DPYD: variants seen among roughly 807,000 people sequenced by gnomAD.
DPYD encodes dihydropyrimidine dehydrogenase [NADP(+)].
In DPYD, 109 loss-of-function variants were observed where a neutral mutation model predicts 116.2. That is an observed-to-expected ratio of 0.94 (90% confidence interval 0.80 to 1.10). DPYD has a LOEUF of 1.10. Ranked by LOEUF, DPYD falls within the 50% of genes least tolerant of loss-of-function variation. The pLI is 0.00. For synonymous variants in DPYD, 440 were observed against 432.0 expected (o/e 1.02, Z -0.23); for missense variants, 1,302 against 1,254.5 (o/e 1.04, Z -0.57).
At chr1:97,545,932 C>T in intron 12 of DPYD, 1 of 1,109,778 alleles carries the variant, frequency 9.0e-7, no homozygotes, top group Non-Finnish European at 1.4e-6. Context: ...TTTAAAGAAT[C>T]AGATTGTCAT....
intron 6 of DPYD, among the ~76,000 whole-genome samples, chr1:97,693,145 G>T (rs1219922982): frequency 1.3e-5 from 2 of 151,640 alleles, no homozygotes; most frequent in African/African-American, 4.8e-5. Context: ...AAAAAAATTA[G>T]CCAGGCATAG....
chr1:97,483,632 CA>C (rs1678446255), intron 13 of DPYD, among the ~76,000 whole-genome samples: 1 of 151,938 alleles, frequency 6.6e-6, no homozygotes, highest in Non-Finnish European at 1.5e-5. Context: ...ACATCCTGCA[CA>C]TATATTCTGG....
chr1:97,301,273 GA>G lies in DPYD; in HGVS notation c.2299+3985del, dbSNP rs539281599. On this transcript the variant is annotated intron_variant, in intron 18 of 22. Coordinates refer to ENST00000370192, the MANE Select transcript of DPYD (RefSeq NM_000110.4). ...ATAATAAAGTTTATGTCTTAATACT[GA>G]AAAAAATGTGTTCTATTGTTGTAAT... is the stretch of plus-strand genomic sequence containing the variant. 6.6e-5 allele frequency among the ~76,000 whole-genome samples: 10 copies of G among 151,978 alleles called. No homozygotes were observed. In the East Asian group the frequency reaches 9.7e-4, roughly 15 times the overall value.
intron 3 of DPYD, among the ~76,000 whole-genome samples, chr1:97,782,262 C>T (rs1049384964): frequency 2.0e-5 from 3 of 152,196 alleles, no homozygotes; most frequent in Non-Finnish European, 4.4e-5. Flanking sequence ...ACATAAATCA[C>T]GGCGCAGAGC....
In DPYD at chr1:97,077,787, C is replaced by T. The variant is rs570164196; in HGVS notation, c.*1189G>A. On this transcript the variant is annotated 3_prime_UTR_variant, in exon 23 of 23. Transcript: ENST00000370192. ...TTTTATTTGATATTATTCAGTAATA[C>T]AGGTTTTGTGGCAAATATGCATTTC... The T allele has an allele frequency of 9.1e-4, 138 of 152,224 alleles. 1 individual carries two copies. In the Middle Eastern group the frequency reaches 0.017, roughly 19 times the overall value. The allele number at this position is 152,224 out of a possible 1,614,324, so 9.4% of individuals were successfully genotyped here. A position where few individuals can be genotyped will look rare whatever the true frequency, so the allele number is the denominator to read the frequency against.
chr1:97,577,995 G>A lies in DPYD; in HGVS notation c.1129-4025C>T, dbSNP rs531297334. On this transcript the variant is annotated intron_variant, in intron 10 of 22. Coordinates refer to ENST00000370192, the MANE Select transcript of DPYD (RefSeq NM_000110.4). Reference sequence around the variant, plus strand: ...CAAGTAGCTGAAATTACAGGCACCCGCCACCATGCCTGGCTAATTTTTGTA... The same window carrying A: ...CAAGTAGCTGAAATTACAGGCACCCACCACCATGCCTGGCTAATTTTTGTA... Among the ~76,000 whole-genome samples, 12 of 151,886 alleles carry A rather than the reference G, an allele frequency of 7.9e-5. 1 individual carries two copies. Among genetic ancestry groups the A allele is most frequent in the East Asian group, 1.9e-4 (1 of 5,138 alleles).
At chr1:97,424,897 A>G (rs1237088096) in intron 14 of DPYD, among the ~76,000 whole-genome samples, 4 of 152,028 alleles carry the variant, frequency 2.6e-5, no homozygotes, top group Admixed American at 6.6e-5. Flanking sequence ...CCTTTATTTT[A>G]GTATGTTCTG....
chr1:97,571,966 C>T (rs1007139825), intron 11 of DPYD, among the ~76,000 whole-genome samples: 3 of 151,862 alleles, frequency 2.0e-5, no homozygotes, highest in Admixed American at 6.6e-5. Context: ...TGCAGCTCTG[C>T]CAGCTCCCCT....
At chr1:97,592,679 T>C (rs1444290408) in intron 10 of DPYD, among the ~76,000 whole-genome samples, 2 of 152,218 alleles carry the variant, frequency 1.3e-5, no homozygotes, top group African/African-American at 4.8e-5. Flanking sequence ...ACGTTATTTT[T>C]AGTATGCTAA....
intron 18 of DPYD, among the ~76,000 whole-genome samples, chr1:97,291,717 TAGGAG>T (rs1666190128): frequency 2.6e-5 from 4 of 151,820 alleles, no homozygotes; most frequent in African/African-American, 9.7e-5. Context: ...GGGATAGCAT[TAGGAG>T]ATATACCTAA....
intron 1 of DPYD, among the ~76,000 whole-genome samples, chr1:97,885,841 G>A (rs1270639347): frequency 6.6e-6 from 1 of 151,976 alleles, no homozygotes; most frequent in Non-Finnish European, 1.5e-5. Flanking sequence ...TGAGATATAA[G>A]GTAGGAAACA....
chr1:97,744,172 T>C (rs763163500), intron 3 of DPYD, among the ~76,000 whole-genome samples: 30 of 152,160 alleles, frequency 2.0e-4, no homozygotes, highest in Non-Finnish European at 3.5e-4. Flanking sequence ...CTATTAAAGA[T>C]ATATTTATCC....
chr1:97,323,798 A>G (rs1319006725), intron 16 of DPYD, among the ~76,000 whole-genome samples: 1 of 151,162 alleles, frequency 6.6e-6, no homozygotes, highest in Non-Finnish European at 1.5e-5. Context: ...AGCGTTCTTT[A>G]TATTTTGGCT....
intron 5 of DPYD, chr1:97,719,954 C>G (rs961345606): frequency 4.5e-5 from 44 of 984,824 alleles, no homozygotes; most frequent in Middle Eastern, 1.0e-3. Flanking sequence ...TAAGTGTGAC[C>G]ACTCTCAAAT....
chr1:97,690,623 T>A (rs1660964175), intron 7 of DPYD, among the ~76,000 whole-genome samples: 1 of 152,016 alleles, frequency 6.6e-6, no homozygotes, highest in Non-Finnish European at 1.5e-5. Flanking sequence ...ATCATTTCCA[T>A]ATTTGATGAG....
intron 19 of DPYD, among the ~76,000 whole-genome samples, chr1:97,203,674 CAA>C (rs575950598): frequency 0.22 from 3,921 of 17,796 alleles, 300 homozygotes; most frequent in African/African-American, 0.27. Context: ...CCCCCCCCCC[CAA>C]AAAAAAAAAA....
chr1:97,204,329 T>G (rs2101853001), intron 19 of DPYD, among the ~76,000 whole-genome samples: 1 of 152,318 alleles, frequency 6.6e-6, no homozygotes, highest in South Asian at 2.1e-4. Context: ...CTTTTTGTTT[T>G]AATGAAGGCC....
At chr1:97,486,354 C>A (rs528181217) in intron 13 of DPYD, among the ~76,000 whole-genome samples, 1 of 152,082 alleles carries the variant, frequency 6.6e-6, no homozygotes, top group Non-Finnish European at 1.5e-5. Flanking sequence ...TACTCCATTA[C>A]GTATGAAATA....
chr1:97,866,242 C>T (rs1671370792), intron 2 of DPYD, among the ~76,000 whole-genome samples: 1 of 151,974 alleles, frequency 6.6e-6, no homozygotes, highest in Non-Finnish European at 1.5e-5. Flanking sequence ...AGAGATGCCA[C>T]AGGACGGCTC....
Sources: allele counts gnomAD v4.1 joint callset (sites outside exome capture counted in the v4.1 genomes callset), GRCh38; gene constraint gnomAD v4.1.1; transcripts MANE v1.5; gene names NCBI Gene and HGNC (gene_info 2026-07-23, HGNC 2026-07-21).